Variants in ZNF850 observed in about 807,000 individuals in gnomAD.
ZNF850 encodes putative zinc finger protein ENSP00000330994.
A neutral mutation model predicts 11.9 loss-of-function variants in ZNF850; 2 were observed. The observed-to-expected ratio is 0.17, with a 90% confidence interval of 0.07 to 0.53. The LOEUF is 0.53. ZNF850 is among the 20% of genes least tolerant of loss of function. ZNF850 has a pLI of 0.94. For missense variants in ZNF850, 1,014 were observed against 1,316.4 expected (o/e 0.77, Z 3.55); for synonymous variants, 381 against 443.0 (o/e 0.86, Z 1.76).
Position 36,749,722 on chromosome 19 carries a change from G to T in ZNF850, c.1318C>A (p.Gln440Lys). The change falls in exon 5 of 5, where the codon CAG (glutamine) becomes AAG (lysine). Residue 440 changes from glutamine to lysine, a missense_variant. Gln to Lys is a moderately conservative substitution (Grantham distance 53). Around this residue, in one of 2 missense-constraint regions of ZNF850, gnomAD observed 835 missense variants for 1,022.0 expected, o/e 0.82. Transcript: ENST00000591344. ...FTAGSTLIQHQRIHTGEKPYD... is the reference protein window; with the variant it reads ...FTAGSTLIQHKRIHTGEKPYD... ...GGTTTCTCACCAGTGTGAATTCGCTGATGTTGAATTAGTGTTGAGCCAGCA... is the reference window on the plus strand; with the variant it reads ...GGTTTCTCACCAGTGTGAATTCGCTTATGTTGAATTAGTGTTGAGCCAGCA... The T allele has an allele frequency of 6.4e-7, 1 of 1,559,568 alleles. No individual in the cohort carries two copies. Among genetic ancestry groups the T allele is most frequent in the South Asian group, 1.2e-5 (1 of 85,184 alleles).
Position 36,748,255 on chromosome 19 carries a change from C to T in ZNF850, c.2785G>A (p.Glu929Lys), listed in dbSNP as rs2040425618. 2 of 1,554,726 alleles carry T rather than the reference C, an allele frequency of 1.3e-6. No individual in the cohort carries two copies. The highest frequency in any genetic ancestry group is 3.9e-5 in the Admixed American group (2 of 51,630). ...HTGEKPYRCH[E>K]CGKAFVRFSG... ...AAACGGACAAAGGCTTTTCCACATT[C>T]ATGACATCGATAAGGTTTCTCACCA... Residue 929 changes from glutamate (E) to lysine (K), a missense_variant, in exon 5 of 5, where the codon GAA becomes AAA. Glu to Lys is a moderately conservative substitution (Grantham distance 56). Coordinates refer to ENST00000591344, the MANE Select transcript of ZNF850 (RefSeq NM_001193552.2).
rs1303318525 is a variant in ZNF850, at chr19:36,743,905, G to A, written c.*3862C>T. On this transcript the variant is annotated 3_prime_UTR_variant, in exon 5 of 5. Coordinates refer to ENST00000591344, the MANE Select transcript of ZNF850 (RefSeq NM_001193552.2). ...CTCTATTAAAAGGATTTACCGGCCG[G>A]GCACGTGGATCCTGCCTGTAATCCC... is the stretch of plus-strand genomic sequence containing the variant. 1 of 152,168 alleles carries A rather than the reference G, an allele frequency of 6.6e-6. No homozygotes were observed. Among genetic ancestry groups the A allele is most frequent in the East Asian group, 1.9e-4 (1 of 5,198 alleles). The allele number at this position is 152,168 out of a possible 1,614,324, so 9.4% of individuals were successfully genotyped here.
intron 4 of ZNF850, among the ~76,000 whole-genome samples, chr19:36,754,108 G>A (rs2040470752): frequency 1.3e-5 from 2 of 150,752 alleles, no homozygotes; most frequent in South Asian, 4.2e-4. Flanking sequence ...GGTTGAGGCT[G>A]TGGTGAGCTG....
At chr19:36,763,029 T>C (rs186369405) in intron 1 of ZNF850, among the ~76,000 whole-genome samples, 71 of 152,188 alleles carry the variant, frequency 4.7e-4, no homozygotes, top group Non-Finnish European at 9.0e-4. Flanking sequence ...TAGCTGTGAC[T>C]ATAGGCGTGC....
In ZNF850 at chr19:36,747,613, G is replaced by A. The variant is rs1324844282; in HGVS notation, c.*154C>T. ...ATAGCGCCACTGCACTCCAGCCTGG[G>A]CGACAGAGCAAGACTCCGTCTCAAA... On this transcript the variant is annotated 3_prime_UTR_variant, in exon 5 of 5. Coordinates refer to ENST00000591344, the MANE Select transcript of ZNF850 (RefSeq NM_001193552.2). The A allele has an allele frequency of 3.9e-6, 3 of 775,642 alleles. No individual in the cohort carries two copies. The African/African-American group carries it at 5.3e-5, about 14-fold the overall frequency. The allele number at this position is 775,642 out of a possible 1,614,324, so 48.0% of individuals were successfully genotyped here.
intron 4 of ZNF850, among the ~76,000 whole-genome samples, chr19:36,754,697 A>G (rs2040474899): frequency 6.6e-6 from 1 of 152,046 alleles, no homozygotes; most frequent in African/African-American, 2.4e-5. Flanking sequence ...CTGGGATTAC[A>G]GGCGCCTGCC....
intron 4 of ZNF850, among the ~76,000 whole-genome samples, chr19:36,758,177 G>GTA (rs2040498265): frequency 6.6e-6 from 1 of 152,110 alleles, no homozygotes; most frequent in African/African-American, 2.4e-5. Flanking sequence ...TGCCTTACAG[G>GTA]TGTAGTATGT....
rs2040447971 is a variant in ZNF850, at chr19:36,750,598, T to G, written c.442A>C (p.Thr148Pro). The change falls in exon 5 of 5, where the codon ACA (threonine) becomes CCA (proline). Residue 148 changes from threonine (T) to proline (P), a missense_variant. Around this residue, in one of 2 missense-constraint regions of ZNF850, gnomAD observed 835 missense variants for 1,022.0 expected, o/e 0.82. Coordinates refer to ENST00000591344, the MANE Select transcript of ZNF850 (RefSeq NM_001193552.2). ...GATGTCTGTAGGCAGAAAGTTGGTG[T>G]TGTTTCATAAGTCATTATTGCTTTT... is the stretch of plus-strand genomic sequence containing the variant. ...LEKAIMTYET[T>P]PTFCLQTSLT... 1 of 1,536,052 alleles carries G rather than the reference T, an allele frequency of 6.5e-7. No individual in the cohort carries two copies. Among genetic ancestry groups the G allele is most frequent in the Non-Finnish European group, 8.7e-7 (1 of 1,146,942 alleles).
rs1486399759 is a variant in ZNF850, at chr19:36,745,148, G to T, written c.*2619C>A. The T allele has an allele frequency of 6.7e-6, 1 of 149,578 alleles. No individual in the cohort carries two copies. The highest frequency in any genetic ancestry group is 1.5e-5 in the Non-Finnish European group (1 of 67,630). 9.3% of individuals were successfully genotyped at this position (149,578 alleles called of 1,614,324 possible). A position where few individuals can be genotyped will look rare whatever the true frequency, so the allele number is the denominator to read the frequency against. ...AATCAATTGAGACAAAGCCTCAATTGATTAACCTTAAAATAACCTTCTTAA... is the reference window on the plus strand; with the variant it reads ...AATCAATTGAGACAAAGCCTCAATTTATTAACCTTAAAATAACCTTCTTAA... On this transcript the variant is annotated 3_prime_UTR_variant, in exon 5 of 5. Transcript: ENST00000591344.
chr19:36,768,521 G>C (rs2040561816), intron 1 of ZNF850, among the ~76,000 whole-genome samples: 1 of 152,140 alleles, frequency 6.6e-6, no homozygotes, highest in South Asian at 2.1e-4. Context: ...CTTATAGTCT[G>C]ATGTACTTCA....
chr19:36,763,898 A>G (rs1439552976), intron 1 of ZNF850, among the ~76,000 whole-genome samples: 3 of 151,872 alleles, frequency 2.0e-5, no homozygotes, highest in African/African-American at 7.3e-5. Context: ...TGATCCTGCC[A>G]CTGCACTCCA....
At chr19:36,767,878 CAT>C (rs1184922722) in intron 1 of ZNF850, among the ~76,000 whole-genome samples, 1 of 152,110 alleles carries the variant, frequency 6.6e-6, no homozygotes, top group Non-Finnish European at 1.5e-5. Flanking sequence ...CAAAGAAATC[CAT>C]GTTGGCCAAA....
intron 1 of ZNF850, among the ~76,000 whole-genome samples, chr19:36,763,936 TCAAA>T (rs561946291): frequency 5.5e-4 from 83 of 150,924 alleles, no homozygotes; most frequent in Middle Eastern, 3.5e-3. Flanking sequence ...AGATCCTGTC[TCAAA>T]CAAACAAACA....
At chr19:36,751,002 G>A (rs1322559575) in intron 4 of ZNF850, among the ~76,000 whole-genome samples, 198 bp from the exon 5 acceptor site, 1 of 148,928 alleles carries the variant, frequency 6.7e-6, no homozygotes, top group Non-Finnish European at 1.5e-5. Context: ...GGAGTTCAAG[G>A]CTGCAGTGAG....
At chr19:36,753,695 T>C (rs898493426) in intron 4 of ZNF850, among the ~76,000 whole-genome samples, 3 of 152,106 alleles carry the variant, frequency 2.0e-5, no homozygotes, top group African/African-American at 7.2e-5. Context: ...CCAGGCACTA[T>C]TTTCACTGCT....
In ZNF850 at chr19:36,754,434, C is replaced by T. The variant is rs191147761; in HGVS notation, c.236-3630G>A. On this transcript the variant is annotated intron_variant, in intron 4 of 4. Transcript: ENST00000591344. ...TACTACATAATAAAACGTTCATTCA[C>T]CAAAAAGATATAACAATTCTAAATT... Among the ~76,000 whole-genome samples, 105 of 152,010 alleles carry T rather than the reference C, an allele frequency of 6.9e-4. 1 individual carries two copies. The highest frequency in any genetic ancestry group is 7.4e-5 in the Non-Finnish European group (5 of 67,980).
chr19:36,749,425 C>T lies in ZNF850; in HGVS notation c.1615G>A (p.Gly539Arg). ...CCTGAGCGAAAAGTAAAAGATTTTC[C>T]ACATTCCTTACAATGATAGGGTTTC... is the stretch of plus-strand genomic sequence containing the variant. Reference protein sequence around the residue: ...GEKPYHCKECGKSFTFRSGLI... With the variant: ...GEKPYHCKECRKSFTFRSGLI... Residue 539 changes from glycine (G) to arginine (R), a missense_variant, in exon 5 of 5, where the codon GGA (glycine) becomes AGA (arginine). Coordinates refer to ENST00000591344, the MANE Select transcript of ZNF850 (RefSeq NM_001193552.2). 2 of 1,549,590 alleles carry T rather than the reference C, an allele frequency of 1.3e-6. No homozygotes were observed. Among genetic ancestry groups the T allele is most frequent in the Non-Finnish European group, 1.7e-6 (2 of 1,152,292 alleles).
chr19:36,749,239 C>A lies in ZNF850; in HGVS notation c.1801G>T (p.Gly601Cys). The A allele has an allele frequency of 6.3e-7, 1 of 1,584,310 alleles. No individual in the cohort carries two copies. The stretch of plus-strand genomic sequence containing the variant: ...TGCTGATGTTGAAGTAGTGTTGAGC[C>A]AACAGTAAAAGATTTTCCACATTCC... The part of the protein sequence containing the change: ...CKECGKSFTV[G>C]STLLQHQQIH... The change falls in exon 5 of 5, where the codon GGC becomes TGC. Residue 601 changes from glycine (G) to cysteine (C), a missense_variant. Physicochemically the swap from Gly to Cys is radical, Grantham distance 159. This residue lies in a region of ZNF850 where 835 missense variants were observed against 1,022.0 expected (regional missense o/e 0.82). Transcript: ENST00000591344.
chr19:36,763,486 G>A (rs185843353), intron 1 of ZNF850, among the ~76,000 whole-genome samples: 128 of 151,930 alleles, frequency 8.4e-4, no homozygotes, highest in African/African-American at 3.0e-3. Context: ...AGAGGTTGCG[G>A]TGAGCCAAGA....
Sources: allele counts gnomAD v4.1 joint callset (sites outside exome capture counted in the v4.1 genomes callset), GRCh38; gene constraint gnomAD v4.1.1; regional missense constraint gnomAD v4.1.1; transcripts MANE v1.5; gene names NCBI Gene and HGNC (gene_info 2026-07-23, HGNC 2026-07-21).